Variants in PRDM5 observed in about 807,000 individuals in gnomAD.
PRDM5 encodes the protein PR/SET domain 5, also known as PR domain zinc finger protein 5.
A neutral mutation model predicts 81.2 loss-of-function variants in PRDM5; 56 were observed. That is an observed-to-expected ratio of 0.69 (90% confidence interval 0.56 to 0.86). The LOEUF (loss-of-function observed/expected upper bound fraction) is 0.86, where lower values mean the gene tolerates loss of function less well. Ranked by LOEUF, PRDM5 falls within the 40% of genes least tolerant of loss-of-function variation. The probability of loss-of-function intolerance (pLI) is 0.00; values close to 1 mark genes in which losing one functional copy is unlikely to be tolerated. For missense variants in PRDM5, 697 were observed against 770.1 expected, an observed-to-expected ratio of 0.91 and a Z score of 1.12; for synonymous variants, 267 against 256.4, an observed-to-expected ratio of 1.04 and a Z score of -0.39.
intron 2 of PRDM5, among the ~76,000 whole-genome samples, chr4:120,871,290 C>T (rs2148539193): frequency 6.6e-6 from 1 of 152,350 alleles, no homozygotes; most frequent in East Asian, 1.9e-4. Flanking sequence ...AGACAACTAT[C>T]TGCTTCTGTT....
chr4:120,801,441 CA>C (rs1331214029), intron 8 of PRDM5, among the ~76,000 whole-genome samples: 1 of 152,200 alleles, frequency 6.6e-6, no homozygotes, highest in Non-Finnish European at 1.5e-5. Flanking sequence ...AAGCACGTGG[CA>C]GTTTGAAGGT....
intron 2 of PRDM5, among the ~76,000 whole-genome samples, chr4:120,904,639 A>G (rs1765596478): frequency 1.3e-5 from 2 of 152,218 alleles, no homozygotes; most frequent in Non-Finnish European, 2.9e-5. Flanking sequence ...AATAATGCAA[A>G]GACATTAAAG....
intron 2 of PRDM5, among the ~76,000 whole-genome samples, chr4:120,857,496 T>C (rs1468729349): frequency 6.6e-6 from 1 of 152,272 alleles, no homozygotes; most frequent in Non-Finnish European, 1.5e-5. Flanking sequence ...TTATGGGAAC[T>C]TGGCAGGGTC....
chr4:120,863,174 A>AT (rs1561528706), intron 2 of PRDM5, among the ~76,000 whole-genome samples: 21 of 80,006 alleles, frequency 2.6e-4, no homozygotes, highest in South Asian at 1.4e-3. Context: ...AAAAAAAAAA[A>AT]AATATATATA....
chr4:120,857,065 G>A (rs1759961182), intron 2 of PRDM5, among the ~76,000 whole-genome samples: 1 of 152,130 alleles, frequency 6.6e-6, no homozygotes, highest in East Asian at 1.9e-4. Context: ...GTTAGCTAAA[G>A]TAGGAAACAT....
chr4:120,737,429 T>C (rs930529886), intron 14 of PRDM5, among the ~76,000 whole-genome samples: 8 of 152,184 alleles, frequency 5.3e-5, no homozygotes, highest in African/African-American at 1.7e-4. Context: ...GAGAGAGCCA[T>C]GCCAAAGACT....
intron 13 of PRDM5, among the ~76,000 whole-genome samples, chr4:120,772,904 C>G (rs10026533): frequency 0.053 from 8,087 of 152,240 alleles, 347 homozygotes; most frequent in Middle Eastern, 0.15. Context: ...AAACTGGTAA[C>G]TGCTAGTGAC....
chr4:120,891,279 C>G (rs1764013323), intron 2 of PRDM5, among the ~76,000 whole-genome samples: 1 of 152,144 alleles, frequency 6.6e-6, no homozygotes, highest in Non-Finnish European at 1.5e-5. Context: ...ATGTCTCCAG[C>G]AATTTATCCA....
intron 14 of PRDM5, among the ~76,000 whole-genome samples, chr4:120,744,197 A>T (rs200065168): frequency 6.6e-6 from 1 of 151,908 alleles, no homozygotes; most frequent in Non-Finnish European, 1.5e-5. Flanking sequence ...ACATAACGAA[A>T]TGAAGGCAGA....
Position 120,907,496 on chromosome 4 carries a change from A to G in PRDM5, c.155T>C (p.Met52Thr), listed in dbSNP as rs948965979. The change falls in exon 2 of 16, where the codon ATG (methionine) becomes ACG (threonine). Residue 52 changes from methionine to threonine, a missense_variant. Physicochemically the swap from Met to Thr is moderately conservative, Grantham distance 81 (BLOSUM62 -1). Transcript: ENST00000264808. ...KRMPEDLDENMDYRLMWEVRG... is the reference protein window; with the variant it reads ...KRMPEDLDENTDYRLMWEVRG... ...CACCTCCCACATCAACCTGTAATCC[A>G]TATTTTCATCCAAGTCTTCAGGCAT... The G allele has an allele frequency of 1.2e-6, 2 of 1,611,498 alleles. No homozygotes were observed.
intron 11 of PRDM5, among the ~76,000 whole-genome samples, chr4:120,783,152 A>T (rs753931608): frequency 6.6e-6 from 1 of 152,152 alleles, no homozygotes; most frequent in Admixed American, 6.6e-5. Context: ...AAAGTTAAAT[A>T]AATGGGTTTT....
At chr4:120,786,922 A>G (rs1476875441) in intron 10 of PRDM5, among the ~76,000 whole-genome samples, 2 of 152,190 alleles carry the variant, frequency 1.3e-5, no homozygotes, top group Admixed American at 1.3e-4. Flanking sequence ...GGTCTACGCT[A>G]TGCGTTTCAT....
At chr4:120,810,349 C>CAGCCATAAGGGTTCTGCTTCAGA (rs1753654604) in intron 8 of PRDM5, 1 of 152,050 alleles carries the variant, frequency 6.6e-6, no homozygotes, top group Non-Finnish European at 1.5e-5. Flanking sequence ...TGAACTGCTT[C>CAGCCATAAGGGTTCTGCTTCAGA]AGCCATAAGG....
chr4:120,710,860 C>T (rs1193766366), intron 14 of PRDM5, among the ~76,000 whole-genome samples: 2 of 152,050 alleles, frequency 1.3e-5, no homozygotes, highest in Non-Finnish European at 2.9e-5. Context: ...TATAAATCAC[C>T]CAGTCTCAGG....
chr4:120,816,238 A>T, intron 7 of PRDM5: 3 of 715,944 alleles, frequency 4.2e-6, no homozygotes, highest in Non-Finnish European at 7.0e-6. Context: ...AGTTATAATT[A>T]ATTCAGGAAT....
chr4:120,820,708 G>C (rs1006336494), intron 4 of PRDM5, among the ~76,000 whole-genome samples: 4 of 152,160 alleles, frequency 2.6e-5, no homozygotes, highest in Admixed American at 1.3e-4. Context: ...CAAACAAGAG[G>C]AATCAATCCC....
At chr4:120,863,174 AAAT>A (rs1157984143) in intron 2 of PRDM5, among the ~76,000 whole-genome samples, 1 of 80,018 alleles carries the variant, frequency 1.2e-5, no homozygotes, top group African/African-American at 5.1e-5. Context: ...AAAAAAAAAA[AAAT>A]ATATATATAT....
chr4:120,747,950 C>T (rs571907044), intron 14 of PRDM5, among the ~76,000 whole-genome samples: 4 of 152,210 alleles, frequency 2.6e-5, no homozygotes, highest in African/African-American at 4.8e-5. Flanking sequence ...AGGGGTTATA[C>T]GAGACGTGAA....
intron 14 of PRDM5, among the ~76,000 whole-genome samples, chr4:120,722,608 T>C (rs991486081): frequency 2.6e-5 from 4 of 152,172 alleles, no homozygotes; most frequent in African/African-American, 9.7e-5. Flanking sequence ...GTCTGAGGTA[T>C]GGCCTGGGCT....
Sources: allele counts gnomAD v4.1 joint callset (sites outside exome capture counted in the v4.1 genomes callset), GRCh38; gene constraint gnomAD v4.1.1; transcripts MANE v1.5; gene names NCBI Gene and HGNC (gene_info 2026-07-23, HGNC 2026-07-21).